TOP1MT: variants seen among roughly 807,000 people sequenced by gnomAD.
TOP1MT encodes the protein DNA topoisomerase I, mitochondrial.
In TOP1MT, 80 loss-of-function variants were observed where a neutral mutation model predicts 73.9. The ratio of observed to expected loss-of-function variants is 1.08; its 90% CI spans 0.90 to 1.30. The LOEUF (loss-of-function observed/expected upper bound fraction) is 1.30, where lower values mean the gene tolerates loss of function less well. Ranked by LOEUF, TOP1MT falls within the 50% of genes most tolerant of loss-of-function variation. TOP1MT has a pLI of 0.00. For synonymous variants in TOP1MT, 338 were observed against 326.4 expected (o/e 1.04, Z -0.38); for missense variants, 815 against 808.0 (o/e 1.01, Z -0.10).
At chr8:143,315,909 C>G (rs986292881) in intron 11 of TOP1MT, 88 bp from the exon 12 acceptor site, 12 of 1,607,388 alleles carry the variant, frequency 7.5e-6, no homozygotes, top group Non-Finnish European at 1.0e-5. Flanking sequence ...ACGTGCCCAC[C>G]GCAGCTGGCT....
chr8:143,324,251 C>A, intron 6 of TOP1MT, 109 bp from the exon 7 acceptor site: 1 of 1,485,350 alleles, frequency 6.7e-7, no homozygotes. Context: ...CTCAGTGGTG[C>A]CGTGGTCAGG....
intron 5 of TOP1MT, 30 bp downstream of exon 5, chr8:143,325,316 T>C (rs763080855): frequency 6.4e-7 from 1 of 1,569,316 alleles, no homozygotes; most frequent in Non-Finnish European, 8.7e-7. Flanking sequence ...GGGGGTCCAG[T>C]GCCCGCCTGC....
intron 5 of TOP1MT, 48 bp downstream of exon 5, chr8:143,325,298 C>T (rs921617030): frequency 6.5e-6 from 10 of 1,527,640 alleles, no homozygotes; most frequent in African/African-American, 4.1e-5. Context: ...CAGCCTCACC[C>T]GGGTGGCGGG....
upstream of TOP1MT, among the ~76,000 whole-genome samples, chr8:143,347,485 T>C (rs1817245710): frequency 6.6e-6 from 1 of 152,170 alleles, no homozygotes. Context: ...GAGACGGGGT[T>C]TCACTATATG....
intron 8 of TOP1MT, among the ~76,000 whole-genome samples, chr8:143,320,601 A>G (rs1816304107): frequency 1.3e-5 from 2 of 152,232 alleles, no homozygotes. Flanking sequence ...GGGTCTTTAG[A>G]GACTGATAAG....
In TOP1MT at chr8:143,344,207, T is replaced by G. The variant is rs1163779546; in HGVS notation, c.-39+709A>C. ...GCTTGAGAAGACAGAAGGAGCCGCT[T>G]CACCGAAACGAGAGGACTAGGGAGG... On this transcript the variant is annotated intron_variant, in intron 1 of 5. Coordinates refer to the TOP1MT transcript ENST00000518007. The surrounding 1 kb of genome is among the most constrained non-coding windows in gnomAD (Gnocchi z 4.6). The G allele has an allele frequency of 2.0e-5, 3 of 152,078 alleles. No individual in the cohort carries two copies. The East Asian group carries it at 5.8e-4, about 29-fold the overall frequency. The allele number at this position is 152,078 out of a possible 1,614,324, so 9.4% of individuals were successfully genotyped here. A position where few individuals can be genotyped will look rare whatever the true frequency, so the allele number is the denominator to read the frequency against.
At chr8:143,322,964 G>A (rs201580951) in intron 7 of TOP1MT, among the ~76,000 whole-genome samples, 1 of 84,498 alleles carries the variant, frequency 1.2e-5, no homozygotes, top group Non-Finnish European at 2.3e-5. Flanking sequence ...ACACACGCAC[G>A]CCACACACGC....
intron 12 of TOP1MT, among the ~76,000 whole-genome samples, chr8:143,315,026 T>G (rs955386721): frequency 2.6e-5 from 4 of 152,230 alleles, no homozygotes; most frequent in African/African-American, 9.6e-5. Context: ...AAGATGCCTA[T>G]TGCCAGGCCA....
At chr8:143,354,627 G>A (rs200395077) in intron 1 of TOP1MT, among the ~76,000 whole-genome samples, 4 of 152,112 alleles carry the variant, frequency 2.6e-5, no homozygotes, top group East Asian at 1.9e-4. Flanking sequence ...CAGGAGAATC[G>A]CTTGAACCTG....
chr8:143,309,430 A>G lies in TOP1MT; in HGVS notation c.*11T>C. 6.2e-7 allele frequency: 1 copy of G among 1,612,828 alleles called. No individual in the cohort carries two copies. Among genetic ancestry groups the G allele is most frequent in the African/African-American group, 1.3e-5 (1 of 75,036 alleles). On this transcript the variant is annotated 3_prime_UTR_variant, in exon 14 of 14. Coordinates refer to ENST00000329245, the MANE Select transcript of TOP1MT (RefSeq NM_052963.3). Reference sequence around the variant, plus strand: ...ACACACATACAAAAGAAGTTTCAACACGGCTCGTCGTTAGAATTCAAAGTC... The same window carrying G: ...ACACACATACAAAAGAAGTTTCAACGCGGCTCGTCGTTAGAATTCAAAGTC...
At chr8:143,321,917 CCA>C (rs1278035915) in intron 7 of TOP1MT, among the ~76,000 whole-genome samples, 1 of 91,614 alleles carries the variant, frequency 1.1e-5, no homozygotes, top group African/African-American at 3.9e-5. Context: ...CACAGGCACG[CCA>C]CACACATGCA....
chr8:143,321,615 CCA>C (rs1171205779), intron 7 of TOP1MT, among the ~76,000 whole-genome samples: 3 of 56,934 alleles, frequency 5.3e-5, no homozygotes, highest in Admixed American at 1.8e-4. Flanking sequence ...CGCACGCACG[CCA>C]CACGCACGCC....
At chr8:143,342,539 GTTA>G (rs1171236474) in intron 2 of TOP1MT, among the ~76,000 whole-genome samples, 3,327 of 47,098 alleles carry the variant, frequency 0.071, 106 homozygotes, top group Admixed American at 0.16. Flanking sequence ...GTCTCGCTCT[GTTA>G]TTATTATTAT....
chr8:143,325,969 C>A (rs750258308), intron 4 of TOP1MT, among the ~76,000 whole-genome samples: 1 of 152,250 alleles, frequency 6.6e-6, no homozygotes, highest in Non-Finnish European at 1.5e-5. Context: ...CCTCAGCCCA[C>A]GGCCCGTCTG....
intron 2 of TOP1MT, among the ~76,000 whole-genome samples, chr8:143,342,571 G>A (rs1438904481): frequency 1.8e-5 from 2 of 113,408 alleles, no homozygotes; most frequent in Non-Finnish European, 3.5e-5. Flanking sequence ...ACAGAGTCTC[G>A]CTCTGTTATT....
At chr8:143,331,455 A>C in intron 1 of TOP1MT, 116 bp from the exon 2 acceptor site, 1 of 768,416 alleles carries the variant, frequency 1.3e-6, no homozygotes, top group Non-Finnish European at 2.0e-6. Context: ...TGTGGCCTCC[A>C]CCTCACGGGG....
intron 1 of TOP1MT, among the ~76,000 whole-genome samples, chr8:143,350,862 T>C (rs1817308164): frequency 6.6e-6 from 1 of 152,222 alleles, no homozygotes; most frequent in Non-Finnish European, 1.5e-5. Context: ...TGCAGAATTA[T>C]AAGCACTCCC....
chr8:143,318,331 C>A (rs1387162486), intron 8 of TOP1MT, among the ~76,000 whole-genome samples: 1 of 152,204 alleles, frequency 6.6e-6, no homozygotes, highest in Non-Finnish European at 1.5e-5. Context: ...GCCCTGCAAA[C>A]CCCCTGGGTG....
chr8:143,312,618 G>T (rs1816043268), intron 12 of TOP1MT, among the ~76,000 whole-genome samples: 1 of 152,128 alleles, frequency 6.6e-6, no homozygotes, highest in Non-Finnish European at 1.5e-5. Flanking sequence ...CATATTCCAT[G>T]ATAAAAGCAT....
Sources: gnomAD v4.1 joint callset for allele counts (sites outside exome capture counted in the v4.1 genomes callset) on GRCh38, gnomAD v4.1.1 for gene constraint, Gnocchi (gnomAD v3.1) non-coding constraint, MANE v1.5 for transcripts, NCBI Gene and HGNC (gene_info 2026-07-23, HGNC 2026-07-21) for gene names.